The following KIF6 variants were observed in gnomAD, a reference collection of about 807,000 sequenced individuals.
The protein encoded by KIF6 is kinesin-like protein KIF6.
KIF6 carries 106 observed loss-of-function variants against 112.7 expected under a neutral mutation model. The ratio of observed to expected loss-of-function variants is 0.94; its 90% CI spans 0.80 to 1.11. The LOEUF (loss-of-function observed/expected upper bound fraction) is 1.11. KIF6 is among the 50% of genes least tolerant of loss of function. The probability of loss-of-function intolerance (pLI) is 0.00; values close to 1 mark genes in which losing one functional copy is unlikely to be tolerated. For missense variants in KIF6, 929 were observed against 964.0 expected (o/e 0.96, Z 0.48); for synonymous variants, 339 against 339.9 (o/e 1.00, Z 0.03).
chr6:39,369,076 T>C (rs965561994), intron 16 of KIF6, among the ~76,000 whole-genome samples: 2 of 152,204 alleles, frequency 1.3e-5, no homozygotes, highest in Non-Finnish European at 2.9e-5. Flanking sequence ...TCACCTTGTT[T>C]GAGAAGACAA....
Position 39,387,500 on chromosome 6 carries a change from G to A in KIF6, c.1811-1828C>T, listed in dbSNP as rs560094649. Among the ~76,000 whole-genome samples, 70 of 152,286 alleles carry A rather than the reference G, an allele frequency of 4.6e-4. 1 individual carries two copies. The highest frequency in any genetic ancestry group is 1.6e-3 in the African/African-American group (65 of 41,568). On this transcript the variant is annotated intron_variant, in intron 15 of 22. Coordinates refer to ENST00000287152, the MANE Select transcript of KIF6 (RefSeq NM_145027.6). The stretch of plus-strand genomic sequence containing the variant: ...CTGGAGAGAATTATGCATAGAGAGC[G>A]TGGCAGGCATTGGGACTAAACAATA...
chr6:39,643,914 C>A (rs1056854699), intron 3 of KIF6, among the ~76,000 whole-genome samples: 7 of 152,092 alleles, frequency 4.6e-5, no homozygotes, highest in Admixed American at 3.9e-4. Flanking sequence ...CAAATCATAT[C>A]TATCTGGCAA....
chr6:39,475,343 T>C lies in KIF6; in HGVS notation c.1646-44182A>G, dbSNP rs564502621. 2.0e-5 allele frequency among the ~76,000 whole-genome samples: 3 copies of C among 152,328 alleles called. No homozygotes were observed. The South Asian group carries it at 6.2e-4, about 32-fold the overall frequency. On this transcript the variant is annotated intron_variant, in intron 13 of 22. Coordinates refer to ENST00000287152, the MANE Select transcript of KIF6 (RefSeq NM_145027.6). Reference sequence around the variant, plus strand: ...GTTGTTTCTTGTTGACCTGCCATTTTAAAACACACGCAAACATACAAGCAC... The same window carrying C: ...GTTGTTTCTTGTTGACCTGCCATTTCAAAACACACGCAAACATACAAGCAC...
At chr6:39,525,627 T>C (rs1777674377) in intron 13 of KIF6, among the ~76,000 whole-genome samples, 1 of 151,728 alleles carries the variant, frequency 6.6e-6, no homozygotes, top group Non-Finnish European at 1.5e-5. Context: ...TGGTGGTGGG[T>C]ACCTATAATC....
intron 14 of KIF6, 91 bp from the exon 15 acceptor site, chr6:39,420,094 T>A (rs1433774350): frequency 3.6e-6 from 3 of 842,742 alleles, no homozygotes; most frequent in Non-Finnish European, 5.8e-6. Context: ...CACTAAAATA[T>A]GATGAAACTT....
intron 2 of KIF6, chr6:39,718,651 A>T (rs1412951875): frequency 1.3e-5 from 2 of 151,526 alleles, no homozygotes; most frequent in Admixed American, 6.6e-5. Flanking sequence ...TGGGAGAATC[A>T]CCTGAGCCCT....
At chr6:39,641,514 G>C (rs982718817) in intron 3 of KIF6, among the ~76,000 whole-genome samples, 5 of 151,856 alleles carry the variant, frequency 3.3e-5, no homozygotes, top group African/African-American at 1.2e-4. Flanking sequence ...GACGGGGGAG[G>C]GATAGCATTA....
intron 3 of KIF6, among the ~76,000 whole-genome samples, chr6:39,682,841 A>G (rs302566): frequency 0.96 from 146,058 of 152,294 alleles, 70,281 homozygotes; most frequent in East Asian, 1. Context: ...GCCTCCCAAA[A>G]TGCTGGGGTT....
At chr6:39,455,102 G>A (rs1433342110) in intron 13 of KIF6, among the ~76,000 whole-genome samples, 1 of 152,088 alleles carries the variant, frequency 6.6e-6, no homozygotes, top group African/African-American at 2.4e-5. Flanking sequence ...AGTAACCTCT[G>A]CAGACTTAAA....
intron 13 of KIF6, among the ~76,000 whole-genome samples, chr6:39,507,258 A>G (rs1485705834): frequency 6.6e-6 from 1 of 152,198 alleles, no homozygotes; most frequent in African/African-American, 2.4e-5. Context: ...AATTAAATGT[A>G]GGATGCTCAG....
chr6:39,353,369 C>T (rs1450434700), intron 19 of KIF6, among the ~76,000 whole-genome samples: 1 of 152,184 alleles, frequency 6.6e-6, no homozygotes, highest in Non-Finnish European at 1.5e-5. Context: ...ATCTGTATCT[C>T]TTCTTTGGTG....
At position 39,627,404 on chromosome 6, in the gene KIF6, C is replaced by T. The variant is rs532847326; in HGVS notation, c.509+7445G>A. 1.8e-4 allele frequency among the ~76,000 whole-genome samples: 28 copies of T among 152,244 alleles called. 1 individual carries two copies. The South Asian group carries it at 5.0e-3, about 27-fold the overall frequency. On this transcript the variant is annotated intron_variant, in intron 5 of 22. Coordinates refer to ENST00000287152, the MANE Select transcript of KIF6 (RefSeq NM_145027.6). ...TATACTAGCTTTATCCTCTCTGCTA[C>T]GAGTTCCAGGGAAACAGGGACTACG...
intron 14 of KIF6, among the ~76,000 whole-genome samples, chr6:39,429,642 G>A (rs188324993): frequency 1.2e-4 from 18 of 152,306 alleles, no homozygotes; most frequent in Non-Finnish European, 1.5e-4. Flanking sequence ...AGGCGCAGTG[G>A]CTCATGCCTG....
intron 13 of KIF6, among the ~76,000 whole-genome samples, chr6:39,452,346 G>A (rs1332109016): frequency 6.6e-6 from 1 of 152,214 alleles, no homozygotes; most frequent in African/African-American, 2.4e-5. Context: ...GGATGCTCCA[G>A]GACCTAGTTA....
chr6:39,376,650 C>T (rs1045435009), intron 16 of KIF6, among the ~76,000 whole-genome samples: 15 of 152,166 alleles, frequency 9.9e-5, no homozygotes, highest in Non-Finnish European at 1.9e-4. Context: ...GACAATCTGT[C>T]CAGTGTGGGA....
chr6:39,707,450 A>G (rs1789283301), intron 3 of KIF6, among the ~76,000 whole-genome samples: 1 of 152,216 alleles, frequency 6.6e-6, no homozygotes, highest in South Asian at 2.1e-4. Flanking sequence ...TGGTTTCTCC[A>G]GCATCCAATC....
chr6:39,529,858 C>T (rs1777943578), intron 13 of KIF6, among the ~76,000 whole-genome samples: 1 of 152,228 alleles, frequency 6.6e-6, no homozygotes, highest in African/African-American at 2.4e-5. Context: ...TTCTTTAAGA[C>T]TGAGATGTTC....
At chr6:39,429,183 C>A (rs148210595) in intron 14 of KIF6, among the ~76,000 whole-genome samples, 1 of 152,216 alleles carries the variant, frequency 6.6e-6, no homozygotes. Context: ...GCTGGGCCTT[C>A]GACCCTCATT....
chr6:39,718,777 A>G (rs540471199), intron 2 of KIF6, among the ~76,000 whole-genome samples: 36 of 151,866 alleles, frequency 2.4e-4, no homozygotes, highest in African/African-American at 8.7e-4. Flanking sequence ...AGAAAAGCAC[A>G]GGTTTTAGGG....
Sources: allele counts gnomAD v4.1 joint callset (sites outside exome capture counted in the v4.1 genomes callset), GRCh38; gene constraint gnomAD v4.1.1; transcripts MANE v1.5; gene names NCBI Gene and HGNC (gene_info 2026-07-23, HGNC 2026-07-21).